Variants in RRP1 observed in about 807,000 individuals in gnomAD.
The protein encoded by RRP1 is ribosomal RNA processing 1, also known as ribosomal RNA processing protein 1 homolog A.
A neutral mutation model predicts 54.6 loss-of-function variants in RRP1; 37 were observed. The observed-to-expected ratio is 0.68, with a 90% CI of 0.52 to 0.89. The LOEUF (loss-of-function observed/expected upper bound fraction) is 0.89. RRP1 is among the 40% of genes least tolerant of loss of function. The pLI, the probability that RRP1 is intolerant of heterozygous loss-of-function variation, is 0.00. For synonymous variants in RRP1, 262 were observed against 244.3 expected, an observed-to-expected ratio of 1.07 and a Z score of -0.67; for missense variants, 639 against 612.5, an observed-to-expected ratio of 1.04 and a Z score of -0.46.
intron 1 of RRP1, 30 bp downstream of exon 1, chr21:43,789,792 CG>C: frequency 3.4e-6 from 5 of 1,485,314 alleles, no homozygotes; most frequent in South Asian, 1.3e-5. Context: ...GCTGGCGTCT[CG>C]GGGGCCGGCT....
intron 4 of RRP1, among the ~76,000 whole-genome samples, 163 bp from the exon 5 acceptor site, chr21:43,795,026 G>C (rs2085003446): frequency 6.6e-6 from 1 of 152,246 alleles, no homozygotes; most frequent in African/African-American, 2.4e-5. Context: ...GTGTCCTCCA[G>C]CGTCTGTCTG....
chr21:43,801,906 G>A (rs1039682414), intron 11 of RRP1, among the ~76,000 whole-genome samples: 1 of 152,140 alleles, frequency 6.6e-6, no homozygotes, highest in African/African-American at 2.4e-5. Context: ...GGAAATGCTC[G>A]TCGCAGTGTT....
At chr21:43,799,718 A>G in intron 9 of RRP1, 69 bp downstream of exon 9, 1 of 1,438,870 alleles carries the variant, frequency 6.9e-7, no homozygotes, top group Non-Finnish European at 9.6e-7. Context: ...GCTCTGGAAG[A>G]GGAGGGGGGC....
chr21:43,798,507 T>C (rs1160923890), intron 8 of RRP1, among the ~76,000 whole-genome samples: 2 of 152,074 alleles, frequency 1.3e-5, no homozygotes, highest in Non-Finnish European at 2.9e-5. Flanking sequence ...ATAGCGTCAC[T>C]CTGTGGCACG....
chr21:43,803,517 G>C lies in RRP1; in HGVS notation c.1129G>C (p.Gly377Arg), dbSNP rs61737065. 563 of 1,553,404 alleles carry C rather than the reference G, an allele frequency of 3.6e-4. 8 individuals are homozygous for C. In the African/African-American group the frequency reaches 6.5e-3, roughly 18 times the overall value. ...LLRLQQERGK[G>R]EKEPPSPGME... ...GGGTCTTGCTGTTTTGTCAGGGAAA[G>C]GTGAGAAGGAGCCCCCGAGCCCGGG... The change falls in exon 13 of 13, where the codon GGT (glycine) becomes CGT (arginine). Residue 377 changes from glycine (G) to arginine (R), a missense_variant. Physicochemically the swap from Gly to Arg is moderately radical, Grantham distance 125 (BLOSUM62 -2). Coordinates refer to ENST00000497547, the MANE Select transcript of RRP1 (RefSeq NM_003683.6).
At position 43,793,421 on chromosome 21, in the gene RRP1, G is replaced by C; in HGVS notation, c.360+17G>C. The C allele has an allele frequency of 6.2e-7, 1 of 1,608,848 alleles. No homozygotes were observed. Among genetic ancestry groups the C allele is most frequent in the Non-Finnish European group, 8.5e-7 (1 of 1,178,066 alleles). On this transcript the variant is annotated intron_variant, in intron 4 of 12. Transcript: ENST00000497547. ...TTCTACATGGTGAGGCAGCCACCAG[G>C]GTGCCGGCGGGCGGGGGCAGCGCGG...
chr21:43,797,895 T>C lies in RRP1; in HGVS notation c.618-12T>C. On this transcript the variant is annotated splice_polypyrimidine_tract_variant and intron_variant, in intron 7 of 12. Transcript: ENST00000497547. ...AACGGGCCTGCTCACCGGCCTCTGC[T>C]CTGCCCCTCAGTTCCTTGGTTTTGA... 1.9e-6 allele frequency: 3 copies of C among 1,610,822 alleles called. No individual in the cohort carries two copies. The highest frequency in any genetic ancestry group is 2.5e-6 in the Non-Finnish European group (3 of 1,177,654).
intron 9 of RRP1, 91 bp downstream of exon 9, chr21:43,799,740 G>A: frequency 8.0e-7 from 1 of 1,243,802 alleles, no homozygotes; most frequent in Non-Finnish European, 1.1e-6. Context: ...TTAGGAGGGA[G>A]GATGGCAGCT....
intron 5 of RRP1, among the ~76,000 whole-genome samples, chr21:43,795,633 T>C (rs2085011294): frequency 6.6e-6 from 1 of 152,192 alleles, no homozygotes; most frequent in Non-Finnish European, 1.5e-5. Context: ...ACTACAGCCT[T>C]GACCTCCCGG....
At chr21:43,795,713 T>G (rs1054357099) in intron 5 of RRP1, among the ~76,000 whole-genome samples, 8 of 152,230 alleles carry the variant, frequency 5.3e-5, no homozygotes, top group African/African-American at 1.9e-4. Flanking sequence ...CAGGCCCACG[T>G]AATTTTTGTA....
chr21:43,796,114 A>C (rs1377343042), intron 5 of RRP1, among the ~76,000 whole-genome samples: 1 of 151,886 alleles, frequency 6.6e-6, no homozygotes, highest in African/African-American at 2.4e-5. Context: ...CCTAGGTGAT[A>C]GAGTGAGATT....
chr21:43,798,036 G>A lies in RRP1; in HGVS notation c.747G>A (p.Glu249=), dbSNP rs771393239. 1 of 1,614,192 alleles carries A rather than the reference G, an allele frequency of 6.2e-7. No individual in the cohort carries two copies. The highest frequency in any genetic ancestry group is 8.5e-7 in the Non-Finnish European group (1 of 1,180,018). The change falls in exon 8 of 13, where the codon GAG becomes GAA. Residue 249 remains glutamate, a synonymous_variant. Transcript: ENST00000497547. ...QDEEVASDSD[E]SSEGGERGDA... Reference sequence around the variant, plus strand: ...AGGAGGTGGCGTCGGACAGTGATGAGTCCTCTGAGGGTGGTGAGCGTGGAG... The same window carrying A: ...AGGAGGTGGCGTCGGACAGTGATGAATCCTCTGAGGGTGGTGAGCGTGGAG...
At chr21:43,802,976 G>T (rs1255368040) in intron 12 of RRP1, among the ~76,000 whole-genome samples, 3 of 152,250 alleles carry the variant, frequency 2.0e-5, no homozygotes, top group South Asian at 4.1e-4. Flanking sequence ...GCAAGAATGG[G>T]GTGCAGAGGA....
rs761660576 is a variant in RRP1, at chr21:43,791,360, G to A, written c.144G>A (p.Thr48=). The part of the protein sequence containing the change: ...ARTQRAAGGF[T]HDELLKVWKG... ...GCTGTTTTGATGCAGGTGGTTTTACGCACGACGAGCTGCTGAAGGTGTGGA... is the reference window on the plus strand; with the variant it reads ...GCTGTTTTGATGCAGGTGGTTTTACACACGACGAGCTGCTGAAGGTGTGGA... Residue 48 remains threonine (T), a synonymous_variant, in exon 2 of 13, where the codon ACG becomes ACA. Transcript: ENST00000497547. The A allele has an allele frequency of 2.8e-5, 45 of 1,613,828 alleles. No individual in the cohort carries two copies. Among genetic ancestry groups the A allele is most frequent in the Middle Eastern group, 1.6e-4 (1 of 6,084 alleles).
At position 43,797,960 on chromosome 21, in the gene RRP1, A is replaced by T; in HGVS notation, c.671A>T (p.Gln224Leu). ...TRGIFETIVE[Q>L]APLAIEDLLN... ...GGCATCTTTGAGACGATTGTGGAGC[A>T]GGCCCCGCTTGCCATTGAAGACCTC... is the stretch of plus-strand genomic sequence containing the variant. The change falls in exon 8 of 13, where the codon CAG (glutamine) becomes CTG (leucine). Residue 224 changes from glutamine (Q) to leucine (L), a missense_variant. Gln to Leu is a moderately radical substitution (Grantham distance 113). Transcript: ENST00000497547. 3 of 1,614,204 alleles carry T rather than the reference A, an allele frequency of 1.9e-6. No homozygotes were observed. The highest frequency in any genetic ancestry group is 2.5e-6 in the Non-Finnish European group (3 of 1,180,024).
At position 43,802,660 on chromosome 21, in the gene RRP1, G is replaced by C. The variant is rs1601875753; in HGVS notation, c.1123+273G>C. Among the ~76,000 whole-genome samples, 3 of 152,140 alleles carry C rather than the reference G, an allele frequency of 2.0e-5. 1 individual carries two copies. In the South Asian group the frequency reaches 6.2e-4, roughly 32 times the overall value. On this transcript the variant is annotated intron_variant, in intron 12 of 12. Transcript: ENST00000497547. ...CGGTCTGGAGACATCCTCCTGGCTG[G>C]GCTGCCTCCTTCCGTGCCTCCGTCT...
intron 11 of RRP1, 58 bp downstream of exon 11, chr21:43,800,939 G>A (rs1385180736): frequency 2.4e-5 from 38 of 1,593,786 alleles, no homozygotes; most frequent in Non-Finnish European, 2.8e-5. Context: ...CTCCATCCTC[G>A]TGGGAGTGGT....
intron 3 of RRP1, 46 bp downstream of exon 3, chr21:43,792,775 C>T: frequency 6.3e-7 from 1 of 1,594,476 alleles, no homozygotes; most frequent in South Asian, 1.1e-5. Flanking sequence ...GATGTCAGAA[C>T]CTCTGAGCAT....
chr21:43,793,564 AGG>A (rs1431282113), intron 4 of RRP1, 160 bp downstream of exon 4: 2 of 616,114 alleles, frequency 3.2e-6, no homozygotes, highest in Non-Finnish European at 5.7e-6. Context: ...GTCCCTGACC[AGG>A]GCTCTGCAGC....
Sources: gnomAD v4.1 joint callset for allele counts (sites outside exome capture counted in the v4.1 genomes callset) on GRCh38, gnomAD v4.1.1 for gene constraint, MANE v1.5 for transcripts, NCBI Gene and HGNC (gene_info 2026-07-23, HGNC 2026-07-21) for gene names.